NLGN1: variants seen among roughly 807,000 people sequenced by gnomAD.
NLGN1 encodes neuroligin-1.
In NLGN1, 12 loss-of-function variants were observed where a neutral mutation model predicts 65.5. The ratio of observed to expected loss-of-function variants is 0.18; its 90% CI spans 0.12 to 0.30. NLGN1 has a LOEUF of 0.30. Ranked by LOEUF, NLGN1 falls within the 10% of genes least tolerant of loss-of-function variation. The pLI, the probability that NLGN1 is intolerant of heterozygous loss-of-function variation, is 1.00. For synonymous variants in NLGN1, 350 were observed against 359.5 expected (o/e 0.97, Z 0.30); for missense variants, 750 against 1,007.1 (o/e 0.74, Z 3.46).
intron 4 of NLGN1, among the ~76,000 whole-genome samples, chr3:173,972,842 A>G (rs1218977636): frequency 6.6e-6 from 1 of 151,958 alleles, no homozygotes; most frequent in African/African-American, 2.4e-5. Context: ...TATACATCCA[A>G]CTCCTTAAGT....
intron 4 of NLGN1, among the ~76,000 whole-genome samples, chr3:173,981,413 AAATTTCCGT>A (rs1718747193): frequency 6.6e-6 from 1 of 152,188 alleles, no homozygotes; most frequent in South Asian, 2.1e-4. Context: ...TTGACCAAAT[AAATTTCCGT>A]ATGAAGTTGG....
intron 3 of NLGN1, among the ~76,000 whole-genome samples, chr3:173,702,191 A>T (rs896250359): frequency 6.7e-6 from 1 of 149,170 alleles, no homozygotes; most frequent in African/African-American, 2.5e-5. Flanking sequence ...GTGAGCCGAG[A>T]TCCCGCCACT....
At chr3:173,773,378 T>A (rs1016073223) in intron 3 of NLGN1, among the ~76,000 whole-genome samples, 1 of 152,208 alleles carries the variant, frequency 6.6e-6, no homozygotes, top group Non-Finnish European at 1.5e-5. Context: ...TTGGACTAAG[T>A]TCACAGGCAG....
chr3:174,203,263 T>C (rs543521753), intron 4 of NLGN1, among the ~76,000 whole-genome samples: 1 of 152,192 alleles, frequency 6.6e-6, no homozygotes, highest in Non-Finnish European at 1.5e-5. Flanking sequence ...AAATTCTAAT[T>C]GCTACTAAGG....
intron 4 of NLGN1, among the ~76,000 whole-genome samples, chr3:173,868,249 G>T (rs1038754683): frequency 3.3e-5 from 5 of 152,086 alleles, no homozygotes; most frequent in Non-Finnish European, 7.4e-5. Context: ...GTGAATATGA[G>T]CAGTTATGGG....
intron 4 of NLGN1, among the ~76,000 whole-genome samples, chr3:173,826,720 G>T (rs1721408214): frequency 6.6e-6 from 1 of 151,998 alleles, no homozygotes; most frequent in Non-Finnish European, 1.5e-5. Flanking sequence ...CAGTGCTTCT[G>T]ACCTGAAGGA....
At chr3:173,956,547 A>G (rs989617750) in intron 4 of NLGN1, among the ~76,000 whole-genome samples, 3 of 152,184 alleles carry the variant, frequency 2.0e-5, no homozygotes, top group Admixed American at 6.5e-5. Flanking sequence ...TAACTCTGAC[A>G]TGATGTGGTA....
intron 4 of NLGN1, among the ~76,000 whole-genome samples, chr3:173,939,489 A>G (rs1451200735): frequency 6.6e-6 from 1 of 152,194 alleles, no homozygotes; most frequent in Non-Finnish European, 1.5e-5. Flanking sequence ...TATACATACC[A>G]CAGGAAACAA....
chr3:173,992,328 A>G (rs568306229), intron 4 of NLGN1, among the ~76,000 whole-genome samples: 13 of 152,238 alleles, frequency 8.5e-5, no homozygotes, highest in Admixed American at 2.6e-4. Flanking sequence ...TCAGGACTCA[A>G]TTGAAAAAAC....
chr3:173,696,215 A>G (rs1404163632), intron 3 of NLGN1, among the ~76,000 whole-genome samples: 1 of 152,238 alleles, frequency 6.6e-6, no homozygotes, highest in East Asian at 1.9e-4. Flanking sequence ...AGAGTGAACA[A>G]TATAAATGTG....
intron 4 of NLGN1, among the ~76,000 whole-genome samples, chr3:173,855,867 GT>G (rs1419744468): frequency 6.6e-6 from 1 of 152,106 alleles, no homozygotes; most frequent in Non-Finnish European, 1.5e-5. Flanking sequence ...CAGGTGGCAA[GT>G]TGGGGATCAT....
At chr3:174,053,223 C>G (rs1560929436) in intron 4 of NLGN1, among the ~76,000 whole-genome samples, 1 of 151,850 alleles carries the variant, frequency 6.6e-6, no homozygotes, top group African/African-American at 2.4e-5. Context: ...TATCCCTGAG[C>G]CTTAGTGTGC....
At chr3:173,562,490 C>T (rs1333585335) in intron 2 of NLGN1, among the ~76,000 whole-genome samples, 2 of 151,888 alleles carry the variant, frequency 1.3e-5, no homozygotes, top group Non-Finnish European at 2.9e-5. Flanking sequence ...TCGCTTGAAC[C>T]CAGGAGGCAG....
chr3:173,471,230 G>C (rs1377404245), intron 2 of NLGN1, among the ~76,000 whole-genome samples: 2 of 152,056 alleles, frequency 1.3e-5, no homozygotes, highest in Non-Finnish European at 2.9e-5. Context: ...TAGGGCTGCT[G>C]TAACAAAGTA....
intron 2 of NLGN1, among the ~76,000 whole-genome samples, chr3:173,510,435 T>C (rs554856606): frequency 1.3e-3 from 198 of 152,348 alleles, no homozygotes; most frequent in Middle Eastern, 6.8e-3. Context: ...CCCCATTTTA[T>C]AGCCAGAACA....
intron 4 of NLGN1, among the ~76,000 whole-genome samples, chr3:173,989,207 A>G (rs1452392238): frequency 6.6e-6 from 1 of 152,150 alleles, no homozygotes; most frequent in Non-Finnish European, 1.5e-5. Context: ...CATCAGCATG[A>G]CTTACACATT....
At chr3:174,115,679 A>G (rs977733648) in intron 4 of NLGN1, among the ~76,000 whole-genome samples, 2 of 152,118 alleles carry the variant, frequency 1.3e-5, no homozygotes. Flanking sequence ...AAGACTATGT[A>G]GAGATAAAGG....
At chr3:173,494,090 C>G (rs1387032799) in intron 2 of NLGN1, among the ~76,000 whole-genome samples, 1 of 150,020 alleles carries the variant, frequency 6.7e-6, no homozygotes, top group African/African-American at 2.5e-5. Flanking sequence ...CCCATTCCTT[C>G]ACAACTTTGT....
intron 4 of NLGN1, among the ~76,000 whole-genome samples, chr3:174,240,031 T>C (rs149022393): frequency 0.013 from 1,919 of 152,184 alleles, 13 homozygotes; most frequent in Non-Finnish European, 0.019. Flanking sequence ...ACATTAACTC[T>C]GAAACAGAGG....
Sources: allele counts gnomAD v4.1 joint callset (sites outside exome capture counted in the v4.1 genomes callset), GRCh38; gene constraint gnomAD v4.1.1; transcripts MANE v1.5; gene names NCBI Gene and HGNC (gene_info 2026-07-23, HGNC 2026-07-21).